Variants in KIRREL3 observed in about 807,000 individuals in gnomAD.
KIRREL3 encodes the protein kin of IRRE-like protein 3.
Under a neutral mutation model 89.7 loss-of-function variants are expected in KIRREL3, and 36 were observed. The ratio of observed to expected loss-of-function variants is 0.40; its 90% CI spans 0.31 to 0.53. The LOEUF (loss-of-function observed/expected upper bound fraction) is 0.53, where lower values mean the gene tolerates loss of function less well. KIRREL3 is among the 20% of genes least tolerant of loss of function. KIRREL3 has a pLI of 0.49. For missense variants in KIRREL3, 864 were observed against 1,056.6 expected (o/e 0.82, Z 2.53); for synonymous variants, 445 against 441.4 (o/e 1.01, Z -0.10).
intron 1 of KIRREL3, among the ~76,000 whole-genome samples, chr11:126,979,266 T>C (rs550071444): frequency 2.6e-5 from 4 of 152,344 alleles, no homozygotes; most frequent in Non-Finnish European, 5.9e-5. Flanking sequence ...ATTTTATTTA[T>C]TTATTTTACA....
intron 1 of KIRREL3, among the ~76,000 whole-genome samples, chr11:126,863,113 T>C (rs947170635): frequency 6.6e-6 from 1 of 152,258 alleles, no homozygotes. Context: ...GGCTGGCTGC[T>C]GGTGACTTGC....
At chr11:126,853,218 A>G (rs529261060) in intron 1 of KIRREL3, among the ~76,000 whole-genome samples, 13 of 152,156 alleles carry the variant, frequency 8.5e-5, no homozygotes, top group Non-Finnish European at 1.6e-4. Context: ...TCCTTCTACT[A>G]GCTTCTCGAA....
In KIRREL3 at chr11:126,526,162, C is replaced by G. The variant is rs937076753; in HGVS notation, c.283+376G>C. The stretch of plus-strand genomic sequence containing the variant: ...AAGAACCAGGTTGTGACTTGTATTT[C>G]CTTAATAATTGTGCCTTAATAAATG... On this transcript the variant is annotated intron_variant, in intron 3 of 16. Transcript: ENST00000525144. This position sits in a 1 kb window ranked among gnomAD's most constrained non-coding sequence, Gnocchi z 5.7. Among the ~76,000 whole-genome samples the G allele has an allele frequency of 6.6e-6, 1 of 152,152 alleles. No homozygotes were observed. The highest frequency in any genetic ancestry group is 1.5e-5 in the Non-Finnish European group (1 of 68,042).
At position 126,827,027 on chromosome 11, in the gene KIRREL3, G is replaced by A. The variant is rs116413421; in HGVS notation, c.55+173428C>T. Among the ~76,000 whole-genome samples the A allele has an allele frequency of 2.1e-3, 318 of 152,148 alleles. 1 individual carries two copies. Among genetic ancestry groups the A allele is most frequent in the African/African-American group, 7.2e-3 (299 of 41,504 alleles). ...GAGGGCTTTCCTTGTTCTGCTTTTG[G>A]GGTGCTCCCCACCCAAGCTGCCTTT... On this transcript the variant is annotated intron_variant, in intron 1 of 16. Transcript: ENST00000525144.
chr11:126,528,980 A>C lies in KIRREL3; in HGVS notation c.134-2293T>G, dbSNP rs1958854079. Among the ~76,000 whole-genome samples, 1 of 152,216 alleles carries C rather than the reference A, an allele frequency of 6.6e-6. No homozygotes were observed. The highest frequency in any genetic ancestry group is 6.5e-5 in the Admixed American group (1 of 15,288). ...GGACAGAGTCAAGGCAGCTGCAGTA[A>C]CTGCCAAAGATTGTGCTATCAGAGA... is the stretch of plus-strand genomic sequence containing the variant. On this transcript the variant is annotated intron_variant, in intron 2 of 16. Transcript: ENST00000525144. The surrounding 1 kb of genome is among the most constrained non-coding windows in gnomAD (Gnocchi z 4.6).
Position 126,769,796 on chromosome 11 carries a change from G to T in KIRREL3, c.56-206884C>A, listed in dbSNP as rs1328551962. ...CTGGAATCAGACGACGCAGATATGG[G>T]TCTGAATATTGGCCCTGATGAGGTG... On this transcript the variant is annotated intron_variant, in intron 1 of 16. Coordinates refer to ENST00000525144, the MANE Select transcript of KIRREL3 (RefSeq NM_032531.4). The surrounding 1 kb of genome is among the most constrained non-coding windows in gnomAD (Gnocchi z 4.3). Among the ~76,000 whole-genome samples, 6 of 152,162 alleles carry T rather than the reference G, an allele frequency of 3.9e-5. No homozygotes were observed. The highest frequency in any genetic ancestry group is 8.8e-5 in the Non-Finnish European group (6 of 68,028).
chr11:126,915,117 T>A (rs980105223), intron 1 of KIRREL3, among the ~76,000 whole-genome samples: 1 of 152,206 alleles, frequency 6.6e-6, no homozygotes, highest in Non-Finnish European at 1.5e-5. Flanking sequence ...GCATCTCAAA[T>A]ACTTTGGGTT....
Position 126,668,722 on chromosome 11 carries a change from T to TTTCTTTCTTTCTTTCTTTC in KIRREL3, c.56-105829_56-105811dup, listed in dbSNP as rs1945790073. On this transcript the variant is annotated intron_variant, in intron 1 of 16. Coordinates refer to ENST00000525144, the MANE Select transcript of KIRREL3 (RefSeq NM_032531.4). The surrounding 1 kb of genome is among the most constrained non-coding windows in gnomAD (Gnocchi z 4.4). Reference sequence around the variant, plus strand: ...CTTTCTTTCTTTCTTTCTTTCTTTCTTTCTTTCTTTCTTTCTTTCTTTCTT... The same window carrying TTTCTTTCTTTCTTTCTTTC: ...CTTTCTTTCTTTCTTTCTTTCTTTCTTTCTTTCTTTCTTTCTTTCTTCTTTCTTTCTTTCTTTCTTTCTT... Among the ~76,000 whole-genome samples, 1 of 121,300 alleles carries TTTCTTTCTTTCTTTCTTTC rather than the reference T, an allele frequency of 8.2e-6. No homozygotes were observed. Among genetic ancestry groups the TTTCTTTCTTTCTTTCTTTC allele is most frequent in the Non-Finnish European group, 1.8e-5 (1 of 55,222 alleles). 79.6% of individuals were successfully genotyped at this position (121,300 alleles called of 152,430 possible). A position where few individuals can be genotyped will look rare whatever the true frequency, so the allele number is the denominator to read the frequency against.
intron 1 of KIRREL3, among the ~76,000 whole-genome samples, chr11:126,660,375 C>T (rs906717059): frequency 2.0e-5 from 3 of 152,212 alleles, no homozygotes; most frequent in Non-Finnish European, 2.9e-5. Flanking sequence ...AAACATGATA[C>T]TGCTGAGACG....
rs929552219 is a variant in KIRREL3, at chr11:126,475,452, C to T, written c.434-1986G>A. On this transcript the variant is annotated intron_variant, in intron 4 of 16. Transcript: ENST00000525144. The surrounding 1 kb of genome is among the most constrained non-coding windows in gnomAD (Gnocchi z 7.5). ...CAGCTGCCTTGCCCTCCCTGCCCGGCCTTGGAGGCCTGCTCCCACACTAAC... is the reference window on the plus strand; with the variant it reads ...CAGCTGCCTTGCCCTCCCTGCCCGGTCTTGGAGGCCTGCTCCCACACTAAC... 3.9e-5 allele frequency among the ~76,000 whole-genome samples: 6 copies of T among 152,226 alleles called. No homozygotes were observed. Among genetic ancestry groups the T allele is most frequent in the African/African-American group, 1.4e-4 (6 of 41,466 alleles).
chr11:126,511,439 C>A (rs1459462680), intron 4 of KIRREL3, among the ~76,000 whole-genome samples: 1 of 152,224 alleles, frequency 6.6e-6, no homozygotes, highest in African/African-American at 2.4e-5. Context: ...CAGGTCCCCT[C>A]ACAGCAGCAA....
intron 4 of KIRREL3, among the ~76,000 whole-genome samples, chr11:126,478,981 G>A (rs1957154582): frequency 6.6e-6 from 1 of 152,228 alleles, no homozygotes; most frequent in African/African-American, 2.4e-5. Flanking sequence ...GGGGCTTGGT[G>A]CTGGGAGCTG....
At chr11:126,559,220 C>G (rs777399855) in intron 2 of KIRREL3, among the ~76,000 whole-genome samples, 2 of 152,188 alleles carry the variant, frequency 1.3e-5, no homozygotes, top group Non-Finnish European at 2.9e-5. Context: ...AACAGGGAGA[C>G]CATTTTGTGG....
chr11:126,505,112 G>T (rs1312313096), intron 4 of KIRREL3, among the ~76,000 whole-genome samples: 2 of 152,206 alleles, frequency 1.3e-5, no homozygotes, highest in Non-Finnish European at 2.9e-5. Context: ...CAGAATGTCT[G>T]CTCTCACCAT....
chr11:126,886,382 C>A (rs991463227), intron 1 of KIRREL3, among the ~76,000 whole-genome samples: 1 of 152,136 alleles, frequency 6.6e-6, no homozygotes, highest in African/African-American at 2.4e-5. Flanking sequence ...CTGCCTCAGC[C>A]CCACTGTATC....
In KIRREL3 at chr11:126,795,808, C is replaced by T. The variant is rs10128599; in HGVS notation, c.55+204647G>A. Among the ~76,000 whole-genome samples the T allele has an allele frequency of 0.031, 4,746 of 152,162 alleles. 239 individuals are homozygous for T. Among genetic ancestry groups the T allele is most frequent in the African/African-American group, 0.1 (4,297 of 41,520 alleles). On this transcript the variant is annotated intron_variant, in intron 1 of 16. Coordinates refer to ENST00000525144, the MANE Select transcript of KIRREL3 (RefSeq NM_032531.4). This position sits in a 1 kb window ranked among gnomAD's most constrained non-coding sequence, Gnocchi z 4.1. ...CCACTTCAACCACCAGTTCTTCTTC[C>T]CCCTGTGCACCCCAAGAGCGTACAT... is the stretch of plus-strand genomic sequence containing the variant.
At chr11:126,646,841 A>G (rs1944709337) in intron 1 of KIRREL3, among the ~76,000 whole-genome samples, 1 of 152,190 alleles carries the variant, frequency 6.6e-6, no homozygotes, top group African/African-American at 2.4e-5. Context: ...TTCTTTGCCA[A>G]CAAAACCAAT....
In KIRREL3 at chr11:126,537,870, A is replaced by AGCCAGAG. The variant is rs1938029982; in HGVS notation, c.134-11190_134-11184dup. On this transcript the variant is annotated intron_variant, in intron 2 of 16. Coordinates refer to ENST00000525144, the MANE Select transcript of KIRREL3 (RefSeq NM_032531.4). The surrounding 1 kb of genome is among the most constrained non-coding windows in gnomAD (Gnocchi z 4.3). ...CTGAGCTTGGGACTGTTAAAACAGGAGCCAGAGGAGCACCTGTCTTGCGGA... is the reference window on the plus strand; with the variant it reads ...CTGAGCTTGGGACTGTTAAAACAGGAGCCAGAGGCCAGAGGAGCACCTGTCTTGCGGA... 6.6e-6 allele frequency among the ~76,000 whole-genome samples: 1 copy of AGCCAGAG among 152,142 alleles called. No individual in the cohort carries two copies. Among genetic ancestry groups the AGCCAGAG allele is most frequent in the Non-Finnish European group, 1.5e-5 (1 of 68,026 alleles).
At chr11:126,826,118 C>A (rs1275137309) in intron 1 of KIRREL3, among the ~76,000 whole-genome samples, 1 of 152,108 alleles carries the variant, frequency 6.6e-6, no homozygotes, top group Admixed American at 6.5e-5. Flanking sequence ...ATTACGCTTG[C>A]CCCCAGCTCT....
Sources: gnomAD v4.1 joint callset for allele counts (sites outside exome capture counted in the v4.1 genomes callset) on GRCh38, gnomAD v4.1.1 for gene constraint, Gnocchi (gnomAD v3.1) non-coding constraint, MANE v1.5 for transcripts, NCBI Gene and HGNC (gene_info 2026-07-23, HGNC 2026-07-21) for gene names.